LRIG3: variants seen among roughly 807,000 people sequenced by gnomAD.
The protein encoded by LRIG3 is leucine-rich repeats and immunoglobulin-like domains protein 3.
Under a neutral mutation model 114.5 loss-of-function variants are expected in LRIG3, and 76 were observed. The observed-to-expected ratio is 0.66, with a 90% CI of 0.55 to 0.80. The LOEUF (loss-of-function observed/expected upper bound fraction) is 0.80, where lower values mean the gene tolerates loss of function less well. Ranked by LOEUF, LRIG3 falls within the 30% of genes least tolerant of loss-of-function variation. LRIG3 has a pLI of 0.00. For synonymous variants in LRIG3, 512 were observed against 519.8 expected (o/e 0.98, Z 0.20); for missense variants, 1,239 against 1,382.8 (o/e 0.90, Z 1.65).
rs757026799 is a variant in LRIG3 at position 58,877,769 on chromosome 12, T to C, written c.2167A>G (p.Ser723Gly). ...GTCCAGTTCAGTTTAGGGGGAGGGCTTCCTCCAGCAATGCACTGTAGGACG... is the reference window on the plus strand; with the variant it reads ...GTCCAGTTCAGTTTAGGGGGAGGGCCTCCTCCAGCAATGCACTGTAGGACG... ...TAVLQCIAGG[S>G]PPPKLNWTKD... Residue 723 changes from serine (S) to glycine (G), a missense_variant, in exon 15 of 19, where the codon AGC (serine) becomes GGC (glycine). Physicochemically the swap from Ser to Gly is moderately conservative, Grantham distance 56 (BLOSUM62 0). Coordinates refer to ENST00000320743, the MANE Select transcript of LRIG3 (RefSeq NM_153377.5). 3.1e-6 allele frequency: 5 copies of C among 1,614,084 alleles called. No homozygotes were observed. The South Asian group carries it at 3.3e-5, about 11-fold the overall frequency.
intron 3 of LRIG3, among the ~76,000 whole-genome samples, chr12:58,906,673 A>T (rs1872079026): frequency 6.6e-6 from 1 of 152,094 alleles, no homozygotes; most frequent in African/African-American, 2.4e-5. Flanking sequence ...CAACGCTCCT[A>T]TGACTCCCAC....
chr12:58,910,857 A>G (rs1352914059), intron 3 of LRIG3, among the ~76,000 whole-genome samples: 2 of 152,166 alleles, frequency 1.3e-5, no homozygotes, highest in Admixed American at 6.5e-5. Flanking sequence ...ACAGATTTCA[A>G]TCATGTCCAA....
intron 12 of LRIG3, among the ~76,000 whole-genome samples, chr12:58,882,119 C>A (rs1363680523): frequency 1.3e-5 from 2 of 152,054 alleles, no homozygotes; most frequent in Admixed American, 1.3e-4. Flanking sequence ...TTTTTAAATG[C>A]CAATGCAAAA....
intron 13 of LRIG3, among the ~76,000 whole-genome samples, chr12:58,880,099 A>G (rs1466246446): frequency 6.6e-6 from 1 of 152,176 alleles, no homozygotes; most frequent in Non-Finnish European, 1.5e-5. Context: ...GTTCGAGACC[A>G]GCCTGACCAA....
intron 15 of LRIG3, among the ~76,000 whole-genome samples, chr12:58,876,859 A>C (rs1331806491): frequency 1.3e-5 from 2 of 152,362 alleles, no homozygotes; most frequent in East Asian, 1.9e-4. Flanking sequence ...ACAAATGTTT[A>C]AACAGATTTT....
intron 1 of LRIG3, among the ~76,000 whole-genome samples, chr12:58,918,435 GA>G (rs969762409): frequency 1.3e-5 from 2 of 151,776 alleles, no homozygotes; most frequent in South Asian, 2.1e-4. Context: ...CAGGAAAAAA[GA>G]AAAAAAGTAC....
chr12:58,894,738 T>C (rs962154696), intron 3 of LRIG3, among the ~76,000 whole-genome samples: 1 of 152,238 alleles, frequency 6.6e-6, no homozygotes, highest in Middle Eastern at 3.2e-3. Flanking sequence ...AATACCTTTT[T>C]CCATTACTTA....
chr12:58,882,432 TACCG>T (rs981525104), intron 12 of LRIG3, among the ~76,000 whole-genome samples: 72 of 152,234 alleles, frequency 4.7e-4, no homozygotes, highest in Admixed American at 7.2e-4. Flanking sequence ...GTAAATGTTT[TACCG>T]ACCAATAGTT....
At chr12:58,881,420 C>CAAAAAA (rs376145825) in intron 12 of LRIG3, among the ~76,000 whole-genome samples, 1 of 65,114 alleles carries the variant, frequency 1.5e-5, no homozygotes, top group African/African-American at 5.1e-5. Context: ...TAGGTAGAGG[C>CAAAAAA]AAAAAAAAAA....
chr12:58,878,789 G>C, intron 14 of LRIG3, 35 bp downstream of exon 14: 1 of 1,590,636 alleles, frequency 6.3e-7, no homozygotes, highest in East Asian at 2.2e-5. Context: ...CTTCAAGACT[G>C]ATTTATACTA....
At chr12:58,889,580 G>C (rs1871382739) in intron 5 of LRIG3, among the ~76,000 whole-genome samples, 1 of 152,010 alleles carries the variant, frequency 6.6e-6, no homozygotes, top group African/African-American at 2.4e-5. Context: ...TTGCCCTATT[G>C]CAGGAGTCTG....
chr12:58,890,236 C>A lies in LRIG3; in HGVS notation c.516-97G>T, dbSNP rs754173821. ...TAGAAGGAGTCTCCAGAGAACTTAA[C>A]CATCAATGGAAACTTAAAATAATTA... is the stretch of plus-strand genomic sequence containing the variant. On this transcript the variant is annotated intron_variant, in intron 4 of 18. Coordinates refer to ENST00000320743, the MANE Select transcript of LRIG3 (RefSeq NM_153377.5). The A allele has an allele frequency of 1.3e-5, 16 of 1,265,130 alleles. No individual in the cohort carries two copies. The Admixed American group carries it at 3.7e-4, about 29-fold the overall frequency. The allele number at this position is 1,265,130 out of a possible 1,614,324, so 78.4% of individuals were successfully genotyped here.
chr12:58,887,187 T>C (rs977794946), intron 8 of LRIG3, among the ~76,000 whole-genome samples: 1 of 152,164 alleles, frequency 6.6e-6, no homozygotes. Flanking sequence ...TACATTAAAC[T>C]TTAAAACCAC....
chr12:58,881,736 T>G (rs1396566291), intron 12 of LRIG3, among the ~76,000 whole-genome samples: 2 of 152,222 alleles, frequency 1.3e-5, no homozygotes, highest in African/African-American at 4.8e-5. Flanking sequence ...TTATGTGTAT[T>G]GAATGGGTTA....
At chr12:58,892,870 A>G (rs1871502548) in intron 3 of LRIG3, among the ~76,000 whole-genome samples, 1 of 152,222 alleles carries the variant, frequency 6.6e-6, no homozygotes, top group Admixed American at 6.5e-5. Flanking sequence ...GGCTTCTTTC[A>G]CAGAATACAG....
At chr12:58,883,484 T>A (rs1056944004) in intron 11 of LRIG3, 36 bp downstream of exon 11, 3 of 1,461,464 alleles carry the variant, frequency 2.1e-6, no homozygotes, top group Non-Finnish European at 2.8e-6. Context: ...TTCCCCTCTA[T>A]ACTTTCAGAC....
intron 3 of LRIG3, among the ~76,000 whole-genome samples, chr12:58,902,297 GATTCT>G (rs1871882610): frequency 6.6e-6 from 1 of 152,006 alleles, no homozygotes; most frequent in Non-Finnish European, 1.5e-5. Flanking sequence ...TGCTCATTTT[GATTCT>G]ATATCATAAT....
At chr12:58,881,760 G>C in intron 12 of LRIG3, among the ~76,000 whole-genome samples, 1 of 152,192 alleles carries the variant, frequency 6.6e-6, no homozygotes, top group East Asian at 1.9e-4. Context: ...GGGATGCTTT[G>C]ATAACTCCAG....
intron 3 of LRIG3, among the ~76,000 whole-genome samples, chr12:58,912,940 T>C (rs1241319762): frequency 1.3e-5 from 2 of 152,262 alleles, no homozygotes; most frequent in African/African-American, 4.8e-5. Flanking sequence ...CTGTTTCTGA[T>C]CTTTGGAAAA....
Sources: allele counts gnomAD v4.1 joint callset (sites outside exome capture counted in the v4.1 genomes callset), GRCh38; gene constraint gnomAD v4.1.1; transcripts MANE v1.5; gene names NCBI Gene and HGNC (gene_info 2026-07-23, HGNC 2026-07-21).